Variants in SMG7 observed in about 807,000 individuals in gnomAD.
The protein encoded by SMG7 is SMG7 nonsense mediated mRNA decay factor.
SMG7 carries 34 observed loss-of-function variants against 148.2 expected under a neutral mutation model. The ratio of observed to expected loss-of-function variants is 0.23; its 90% CI spans 0.17 to 0.31. The LOEUF (loss-of-function observed/expected upper bound fraction) is 0.31. Ranked by LOEUF, SMG7 falls within the 10% of genes least tolerant of loss-of-function variation. SMG7 has a pLI of 1.00. For synonymous variants in SMG7, 492 were observed against 515.1 expected (o/e 0.96, Z 0.61); for missense variants, 1,114 against 1,408.4 (o/e 0.79, Z 3.35).
At position 183,552,601 on chromosome 1, in the gene SMG7, T is replaced by C; in HGVS notation, c.*670T>C. ...GTCAGAAGGCTCTGGTAGGCCTTCC[T>C]CTGGCCAGGAGACTCCAGCAGGGAA... On this transcript the variant is annotated 3_prime_UTR_variant, in exon 23 of 23. Transcript: ENST00000688051. 4 of 1,023,366 alleles carry C rather than the reference T, an allele frequency of 3.9e-6. No individual in the cohort carries two copies. The highest frequency in any genetic ancestry group is 4.7e-6 in the Non-Finnish European group (4 of 852,530). The allele number at this position is 1,023,366 out of a possible 1,614,324, so 63.4% of individuals were successfully genotyped here.
intron 8 of SMG7, among the ~76,000 whole-genome samples, chr1:183,532,477 A>G (rs1667041266): frequency 1.3e-5 from 2 of 152,220 alleles, no homozygotes; most frequent in African/African-American, 4.8e-5. Context: ...GTGCTGGTTA[A>G]CAGATCACTG....
intron 22 of SMG7, 150 bp downstream of exon 22, chr1:183,551,340 T>TA (rs757992489): frequency 2.1e-5 from 15 of 699,960 alleles, no homozygotes; most frequent in Admixed American, 3.6e-5. Context: ...TGGTCTGCCT[T>TA]ACAAGATTCT....
chr1:183,513,502 G>GGTGTGAT (rs1433477506), intron 2 of SMG7: 4 of 152,432 alleles, frequency 2.6e-5, no homozygotes, highest in Admixed American at 6.6e-5. Context: ...CTCCTGAGTA[G>GGTGTGAT]GTGTGATTAT....
intron 4 of SMG7, among the ~76,000 whole-genome samples, chr1:183,519,580 GTTTTC>G (rs1313217157): frequency 6.6e-6 from 1 of 151,798 alleles, no homozygotes; most frequent in Non-Finnish European, 1.5e-5. Context: ...AAGTATATTT[GTTTTC>G]TTTTCTGATT....
rs530176230 is a variant in SMG7, at chr1:183,489,793, A to G, written c.29+17144A>G. On this transcript the variant is annotated intron_variant, in intron 1 of 22. Coordinates refer to ENST00000688051, the MANE Select transcript of SMG7 (RefSeq NM_001375584.1). The stretch of plus-strand genomic sequence containing the variant: ...CTATTCTCAATGGTTTTGTTACTCT[A>G]CCTATTTAGGTGGAAGGAGAAAGAA... 2.6e-5 allele frequency among the ~76,000 whole-genome samples: 4 copies of G among 152,318 alleles called. No homozygotes were observed. The East Asian group carries it at 7.7e-4, about 29-fold the overall frequency.
At chr1:183,518,823 T>C (rs1319823064) in intron 4 of SMG7, 2 of 152,268 alleles carry the variant, frequency 1.3e-5, no homozygotes, top group Non-Finnish European at 2.9e-5. Context: ...TTATAATGAA[T>C]GTTAAGACAG....
chr1:183,500,290 A>G (rs894062338), intron 1 of SMG7, among the ~76,000 whole-genome samples: 2 of 152,208 alleles, frequency 1.3e-5, no homozygotes, highest in Non-Finnish European at 2.9e-5. Flanking sequence ...TGTGAATTTC[A>G]GAGAGCCAAG....
In SMG7 at chr1:183,553,599, G is replaced by A. The variant is rs1391202717; in HGVS notation, c.*1668G>A. On this transcript the variant is annotated 3_prime_UTR_variant, in exon 23 of 23. Coordinates refer to ENST00000688051, the MANE Select transcript of SMG7 (RefSeq NM_001375584.1). ...TAACGCTCATTGCTCTTCAGAGAGAGTGGTTGGAGCCCCCCCCGCCCCGTA... is the reference window on the plus strand; with the variant it reads ...TAACGCTCATTGCTCTTCAGAGAGAATGGTTGGAGCCCCCCCCGCCCCGTA... 6.3e-6 allele frequency: 1 copy of A among 158,950 alleles called. No homozygotes were observed. The highest frequency in any genetic ancestry group is 1.4e-5 in the Non-Finnish European group (1 of 73,628). The allele number at this position is 158,950 out of a possible 1,614,324, so 9.8% of individuals were successfully genotyped here.
At chr1:183,497,920 T>G (rs1658903185) in intron 1 of SMG7, among the ~76,000 whole-genome samples, 1 of 152,104 alleles carries the variant, frequency 6.6e-6, no homozygotes, top group Non-Finnish European at 1.5e-5. Flanking sequence ...AGGAAAATAA[T>G]CAAGAAAAAG....
At position 183,547,207 on chromosome 1, in the gene SMG7, G is replaced by A. The variant is rs1050130707; in HGVS notation, c.2847G>A (p.Pro949=). Residue 949 remains proline, a synonymous_variant, in exon 18 of 23, where the codon CCG becomes CCA. Transcript: ENST00000688051. ...LIFSNPPDLY[P]ALLGPLASLP... The stretch of plus-strand genomic sequence containing the variant: ...TTTCTAACCCTCCTGATCTTTACCC[G>A]GCTCTGCTGGGGCCTCTCGCCTCTC... 1.4e-5 allele frequency: 22 copies of A among 1,550,130 alleles called. No homozygotes were observed. Among genetic ancestry groups the A allele is most frequent in the African/African-American group, 1.2e-4 (9 of 72,966 alleles).
In SMG7 at chr1:183,552,443, A is replaced by C. The variant is rs1671218439; in HGVS notation, c.*512A>C. 1.1e-5 allele frequency: 11 copies of C among 992,496 alleles called. No individual in the cohort carries two copies. Among genetic ancestry groups the C allele is most frequent in the Non-Finnish European group, 1.3e-5 (11 of 833,936 alleles). 61.5% of individuals were successfully genotyped at this position (992,496 alleles called of 1,614,324 possible). Reference sequence around the variant, plus strand: ...AATATCACACTGAATTCTTCCATACACAGGTGTGCTTCTAGTCAGTGTGTA... The same window carrying C: ...AATATCACACTGAATTCTTCCATACCCAGGTGTGCTTCTAGTCAGTGTGTA... On this transcript the variant is annotated 3_prime_UTR_variant, in exon 23 of 23. Transcript: ENST00000688051.
At chr1:183,477,009 A>G (rs1056882442) in intron 1 of SMG7, among the ~76,000 whole-genome samples, 1 of 152,148 alleles carries the variant, frequency 6.6e-6, no homozygotes, top group African/African-American at 2.4e-5. Context: ...AAATAATGGC[A>G]TTTTGAAAAA....
intron 11 of SMG7, among the ~76,000 whole-genome samples, chr1:183,537,688 G>C (rs555684716): frequency 8.3e-4 from 127 of 152,198 alleles, no homozygotes; most frequent in African/African-American, 2.9e-3. Flanking sequence ...ATAAAGTTTT[G>C]TGCCTGATTT....
Position 183,551,062 on chromosome 1 carries a change from A to G in SMG7, c.3322A>G (p.Ile1108Val), listed in dbSNP as rs779370302. The G allele has an allele frequency of 3.7e-6, 6 of 1,613,988 alleles. No individual in the cohort carries two copies. Among genetic ancestry groups the G allele is most frequent in the Non-Finnish European group, 5.1e-6 (6 of 1,179,956 alleles). The change falls in exon 22 of 23, where the codon ATT becomes GTT. Residue 1108 changes from isoleucine to valine, a missense_variant. Transcript: ENST00000688051. ...TDKPAMGGFG[I>V]DYLSATSSSE... ...TCCCTTAGCCATGGGTGGGTTTGGC[A>G]TTGATTATCTCTCAGCAACGTCATC...
At position 183,552,853 on chromosome 1, in the gene SMG7, T is replaced by C; in HGVS notation, c.*922T>C. 7.0e-7 allele frequency: 1 copy of C among 1,433,918 alleles called. No homozygotes were observed. The highest frequency in any genetic ancestry group is 2.8e-5 in the Admixed American group (1 of 35,628). 88.8% of individuals were successfully genotyped at this position (1,433,918 alleles called of 1,614,324 possible). The stretch of plus-strand genomic sequence containing the variant: ...TTCAGTGTGGTTATTTTTTCTTTGG[T>C]TGGTTTTTGTGCCCCCATTCTACTT... On this transcript the variant is annotated 3_prime_UTR_variant, in exon 23 of 23. Transcript: ENST00000688051.
chr1:183,502,024 G>T (rs1659843312), intron 1 of SMG7, among the ~76,000 whole-genome samples: 1 of 151,990 alleles, frequency 6.6e-6, no homozygotes, highest in African/African-American at 2.4e-5. Context: ...AGACAGTGAG[G>T]AACATTAGAA....
rs78997307 is a variant in SMG7, at chr1:183,519,356, C to T, written c.312+1536C>T. On this transcript the variant is annotated intron_variant, in intron 4 of 22. Coordinates refer to ENST00000688051, the MANE Select transcript of SMG7 (RefSeq NM_001375584.1). ...TAAAATTTATGCCAACTTTTAGCAGCAACCAAAAAGTTGATACTTTTTGGG... is the reference window on the plus strand; with the variant it reads ...TAAAATTTATGCCAACTTTTAGCAGTAACCAAAAAGTTGATACTTTTTGGG... 1.4e-4 allele frequency among the ~76,000 whole-genome samples: 22 copies of T among 151,968 alleles called. No individual in the cohort carries two copies. The East Asian group carries it at 4.1e-3, about 28-fold the overall frequency.
intron 12 of SMG7, among the ~76,000 whole-genome samples, chr1:183,539,617 T>C (rs1668438590): frequency 6.6e-6 from 1 of 152,224 alleles, no homozygotes; most frequent in Non-Finnish European, 1.5e-5. Flanking sequence ...AAAACTGAGC[T>C]TATATTTTCC....
At chr1:183,531,659 A>G (rs923792442) in intron 8 of SMG7, among the ~76,000 whole-genome samples, 7 of 152,162 alleles carry the variant, frequency 4.6e-5, no homozygotes, top group Middle Eastern at 3.2e-3. Context: ...ATTCATATTC[A>G]TTAATACTTC....
Sources: gnomAD v4.1 joint callset for allele counts (sites outside exome capture counted in the v4.1 genomes callset) on GRCh38, gnomAD v4.1.1 for gene constraint, MANE v1.5 for transcripts, NCBI Gene and HGNC (gene_info 2026-07-23, HGNC 2026-07-21) for gene names.